SLC5A5: variants seen among roughly 807,000 people sequenced by gnomAD.
SLC5A5 encodes sodium/iodide cotransporter.
SLC5A5 carries 56 observed loss-of-function variants against 68.6 expected under a neutral mutation model. The observed-to-expected ratio is 0.82, with a 90% confidence interval of 0.66 to 1.02. The LOEUF is 1.02. SLC5A5 is among the 50% of genes least tolerant of loss of function. The pLI is 0.00. For synonymous variants in SLC5A5, 398 were observed against 373.0 expected (o/e 1.07, Z -0.77); for missense variants, 807 against 859.8 (o/e 0.94, Z 0.77).
rs1299488790 is a variant in SLC5A5 at position 17,872,896 on chromosome 19, C to T, written c.357+220C>T. ...GAAGGAGGAAGAGAGAGCCTGGCGT[C>T]CTGCTCCTTCGGTGGAAGCGCGCGC... On this transcript the variant is annotated intron_variant, in intron 1 of 14. Transcript: ENST00000222248. Among the ~76,000 whole-genome samples, 4 of 152,200 alleles carry T rather than the reference C, an allele frequency of 2.6e-5. No homozygotes were observed. The East Asian group carries it at 5.8e-4, about 22-fold the overall frequency.
At chr19:17,877,160 A>G (rs1228249055) in intron 5 of SLC5A5, among the ~76,000 whole-genome samples, 1 of 152,106 alleles carries the variant, frequency 6.6e-6, no homozygotes, top group Non-Finnish European at 1.5e-5. Flanking sequence ...ATTGGGGGCT[A>G]AAGCCTCTCT....
rs571360540 is a variant in SLC5A5, at chr19:17,881,941, C to T, written c.1059-19C>T. ...CTCTCCATATGGCCTGAGGACCCCC[C>T]GCTGCCTTCCTCACACAGCACAGCA... On this transcript the variant is annotated intron_variant, in intron 8 of 14. Coordinates refer to ENST00000222248, the MANE Select transcript of SLC5A5 (RefSeq NM_000453.3). 27 of 1,589,032 alleles carry T rather than the reference C, an allele frequency of 1.7e-5. No homozygotes were observed. Among genetic ancestry groups the T allele is most frequent in the East Asian group, 4.5e-5 (2 of 44,776 alleles).
At chr19:17,876,426 CAA>C (rs60457185) in intron 5 of SLC5A5, among the ~76,000 whole-genome samples, 44 of 87,358 alleles carry the variant, frequency 5.0e-4, no homozygotes, top group Admixed American at 1.1e-3. Context: ...GACCCTGTCT[CAA>C]AAAAAAAAAA....
At chr19:17,874,042 G>A in intron 1 of SLC5A5, 96 bp from the exon 2 acceptor site, 2 of 876,586 alleles carry the variant, frequency 2.3e-6, no homozygotes, top group South Asian at 1.4e-5. Context: ...GTTGGCTTCC[G>A]GAGGGAGGGG....
At chr19:17,879,345 CTG>C (rs2094315375) in intron 7 of SLC5A5, among the ~76,000 whole-genome samples, 1 of 152,026 alleles carries the variant, frequency 6.6e-6, no homozygotes, top group Non-Finnish European at 1.5e-5. Context: ...AAAACAAAAA[CTG>C]TAATCCAGCG....
In SLC5A5 at chr19:17,872,041, AGAGT is replaced by A; in HGVS notation, c.-275_-272del. 4.1e-6 allele frequency: 2 copies of A among 492,156 alleles called. No individual in the cohort carries two copies. The highest frequency in any genetic ancestry group is 7.3e-6 in the Non-Finnish European group (2 of 274,440). The allele number at this position is 492,156 out of a possible 1,614,324, so 30.5% of individuals were successfully genotyped here. ...CCGGCTGCATGGGACAGCGGAACCC[AGAGT>A]GAGAGGGGAGGTGGCAGGACAGACA... On this transcript the variant is annotated 5_prime_UTR_variant, in exon 1 of 15. It removes the in-frame stop codon of an upstream open reading frame in the 5' UTR. Coordinates refer to ENST00000222248, the MANE Select transcript of SLC5A5 (RefSeq NM_000453.3).
Position 17,877,866 on chromosome 19 carries a change from G to A in SLC5A5, c.839+3G>A. The A allele has an allele frequency of 6.2e-7, 1 of 1,614,214 alleles. No homozygotes were observed. Among genetic ancestry groups the A allele is most frequent in the Non-Finnish European group, 8.5e-7 (1 of 1,180,054 alleles). ...CGCACAGAGAAGCAGGCCAAGCTGT[G>A]AGTGTTTCGGGGAGCAAGGTCGGGG... On this transcript the variant is annotated splice_donor_region_variant and intron_variant, in intron 6 of 14. Transcript: ENST00000222248.
rs758224420 is a variant in SLC5A5, at chr19:17,872,455, G to C, written c.136G>C (p.Asp46His). ...TCGGGGCGGGCAGCGCAGCGCTGAGGACTTCTTCACCGGGGGCCGGCGCCT... is the reference window on the plus strand; with the variant it reads ...TCGGGGCGGGCAGCGCAGCGCTGAGCACTTCTTCACCGGGGGCCGGCGCCT... ...LARGGQRSAE[D>H]FFTGGRRLAA... Residue 46 changes from aspartate (D) to histidine (H), a missense_variant, in exon 1 of 15, where the codon GAC (aspartate) becomes CAC (histidine). Coordinates refer to ENST00000222248, the MANE Select transcript of SLC5A5 (RefSeq NM_000453.3). The C allele has an allele frequency of 1.2e-6, 2 of 1,610,984 alleles. No individual in the cohort carries two copies. Among genetic ancestry groups the C allele is most frequent in the East Asian group, 4.5e-5 (2 of 44,836 alleles).
In SLC5A5 at chr19:17,874,484, C is replaced by CT; in HGVS notation, c.424-9dup. On this transcript the variant is annotated splice_polypyrimidine_tract_variant and intron_variant, in intron 2 of 14. Coordinates refer to ENST00000222248, the MANE Select transcript of SLC5A5 (RefSeq NM_000453.3). ...CCTCCCTGCTCACCCGCCCCACACT[C>CT]TGTCTACAGATGCTGTACACCGGCA... 1.2e-6 allele frequency: 2 copies of CT among 1,614,010 alleles called. No individual in the cohort carries two copies. Among genetic ancestry groups the CT allele is most frequent in the Non-Finnish European group, 1.7e-6 (2 of 1,179,970 alleles).
At position 17,872,033 on chromosome 19, in the gene SLC5A5, C is replaced by T. The variant is rs1200777084; in HGVS notation, c.-287C>T. On this transcript the variant is annotated 5_prime_UTR_variant, in exon 1 of 15. Transcript: ENST00000222248. ...ACAGACAGCCGGCTGCATGGGACAG[C>T]GGAACCCAGAGTGAGAGGGGAGGTG... The T allele has an allele frequency of 2.1e-6, 1 of 480,774 alleles. No homozygotes were observed. Among genetic ancestry groups the T allele is most frequent in the Non-Finnish European group, 3.7e-6 (1 of 267,392 alleles). The allele number at this position is 480,774 out of a possible 1,614,324, so 29.8% of individuals were successfully genotyped here. A position where few individuals can be genotyped will look rare whatever the true frequency, so the allele number is the denominator to read the frequency against.
intron 4 of SLC5A5, among the ~76,000 whole-genome samples, chr19:17,875,591 C>T (rs1485410180): frequency 6.8e-6 from 1 of 146,770 alleles, no homozygotes; most frequent in Admixed American, 6.8e-5. Flanking sequence ...AGTGAGACCC[C>T]CCCCCGCCCC....
intron 14 of SLC5A5, among the ~76,000 whole-genome samples, chr19:17,891,819 C>A (rs997370318): frequency 2.0e-5 from 3 of 152,192 alleles, no homozygotes; most frequent in African/African-American, 7.2e-5. Context: ...CCATGCCTAC[C>A]CCTGTTTTGG....
Position 17,883,845 on chromosome 19 carries a change from C to G in SLC5A5, c.1330-5C>G. On this transcript the variant is annotated splice_polypyrimidine_tract_variant and splice_region_variant and intron_variant, in intron 11 of 14. Transcript: ENST00000222248. The stretch of plus-strand genomic sequence containing the variant: ...CCCCTTCCCTGACGCCGGCTCTGCC[C>G]CCAGGGCGTCCTCGCGGGACTAGGC... The G allele has an allele frequency of 6.2e-7, 1 of 1,600,416 alleles. No homozygotes were observed. The highest frequency in any genetic ancestry group is 8.5e-7 in the Non-Finnish European group (1 of 1,174,454).
intron 4 of SLC5A5, 121 bp downstream of exon 4, chr19:17,874,852 C>A: frequency 1.1e-6 from 1 of 898,108 alleles, no homozygotes; most frequent in South Asian, 1.4e-5. Flanking sequence ...GACCCAGTGT[C>A]CTCATCTTTA....
At chr19:17,885,638 C>G (rs995870470) in intron 12 of SLC5A5, among the ~76,000 whole-genome samples, 2 of 152,036 alleles carry the variant, frequency 1.3e-5, no homozygotes, top group South Asian at 4.1e-4. Flanking sequence ...GCCTCTGACT[C>G]CCAAAGTGCT....
Position 17,876,211 on chromosome 19 carries a change from C to T in SLC5A5, c.698+105C>T, listed in dbSNP as rs1021559796. The T allele has an allele frequency of 3.3e-6, 4 of 1,218,142 alleles. No individual in the cohort carries two copies. In the African/African-American group the frequency reaches 6.0e-5, roughly 18 times the overall value. The allele number at this position is 1,218,142 out of a possible 1,614,324, so 75.5% of individuals were successfully genotyped here. A position where few individuals can be genotyped will look rare whatever the true frequency, so the allele number is the denominator to read the frequency against. On this transcript the variant is annotated intron_variant, in intron 5 of 14. Coordinates refer to ENST00000222248, the MANE Select transcript of SLC5A5 (RefSeq NM_000453.3). ...TTGGGAGGCCGAGGCGGGCAGATCA[C>T]TTGAGCTCAGGAGTTCAAGACCAGC...
In SLC5A5 at chr19:17,872,218, T is replaced by TACCCCCCCCCCC; in HGVS notation, c.-102_-101insACCCCCCCCCCC. On this transcript the variant is annotated 5_prime_UTR_variant, in exon 1 of 15. Transcript: ENST00000222248. ...AGCGGGGACAGGCTGCCGAGCATCC[T>TACCCCCCCCCCC]CCCACCCGCCCTCCCCGTCCTGCCT... 2.2e-6 allele frequency: 1 copy of TACCCCCCCCCCC among 456,252 alleles called. No homozygotes were observed. The highest frequency in any genetic ancestry group is 4.2e-6 in the Non-Finnish European group (1 of 238,854). 28.3% of individuals were successfully genotyped at this position (456,252 alleles called of 1,614,324 possible).
At chr19:17,877,499 G>C (rs559296080) in intron 5 of SLC5A5, among the ~76,000 whole-genome samples, 2 of 152,190 alleles carry the variant, frequency 1.3e-5, no homozygotes, top group South Asian at 4.1e-4. Context: ...TATAGAGATG[G>C]GGTTTCACCA....
At chr19:17,873,513 T>G (rs1016893886) in intron 1 of SLC5A5, among the ~76,000 whole-genome samples, 3 of 150,006 alleles carry the variant, frequency 2.0e-5, no homozygotes, top group Non-Finnish European at 4.4e-5. Flanking sequence ...ATCCCAGCAC[T>G]TTGGGAGGCC....
Sources: gnomAD v4.1 joint callset for allele counts (sites outside exome capture counted in the v4.1 genomes callset) on GRCh38, gnomAD v4.1.1 for gene constraint, MANE v1.5 for transcripts, NCBI Gene and HGNC (gene_info 2026-07-23, HGNC 2026-07-21) for gene names.